GMPS: variants seen among roughly 807,000 people sequenced by gnomAD.
GMPS encodes GMP synthase [glutamine-hydrolyzing].
GMPS carries 15 observed loss-of-function variants against 77.9 expected under a neutral mutation model. The observed-to-expected ratio is 0.19, with a 90% confidence interval of 0.13 to 0.30. The LOEUF (loss-of-function observed/expected upper bound fraction) is 0.30. Ranked by LOEUF, GMPS falls within the 10% of genes least tolerant of loss-of-function variation. The probability of loss-of-function intolerance (pLI) is 1.00; values close to 1 mark genes in which losing one functional copy is unlikely to be tolerated. For synonymous variants in GMPS, 224 were observed against 275.9 expected (o/e 0.81, Z 1.86); for missense variants, 590 against 838.8 (o/e 0.70, Z 3.66).
chr3:155,901,393 T>G (rs1754733952), intron 3 of GMPS, among the ~76,000 whole-genome samples: 1 of 152,216 alleles, frequency 6.6e-6, no homozygotes, highest in Non-Finnish European at 1.5e-5. Flanking sequence ...ATGTTACTTT[T>G]ACATTCCAGT....
chr3:155,925,452 T>G, intron 12 of GMPS, 86 bp downstream of exon 12: 1 of 1,056,982 alleles, frequency 9.5e-7, no homozygotes, highest in African/African-American at 1.6e-5. Context: ...TTGCCCAGGC[T>G]GGAGCGCAGT....
chr3:155,909,744 G>A (rs546121278), intron 5 of GMPS, among the ~76,000 whole-genome samples: 2 of 151,440 alleles, frequency 1.3e-5, no homozygotes, highest in African/African-American at 4.8e-5. Flanking sequence ...GAGCCCAGGA[G>A]TTCAACAGGC....
intron 12 of GMPS, among the ~76,000 whole-genome samples, chr3:155,928,686 C>CCT (rs1755519201): frequency 9.2e-6 from 1 of 108,456 alleles, no homozygotes; most frequent in Non-Finnish European, 1.8e-5. Context: ...TCCCTCCCCC[C>CCT]TCCCCCCACC....
intron 3 of GMPS, among the ~76,000 whole-genome samples, chr3:155,899,438 T>TC (rs1233073246): frequency 6.6e-6 from 1 of 151,386 alleles, no homozygotes; most frequent in Non-Finnish European, 1.5e-5. Flanking sequence ...TTTTCTTTTT[T>TC]TTTTTTCAAT....
chr3:155,938,166 AC>A lies in GMPS; in HGVS notation c.*475del, dbSNP rs1273415528. On this transcript the variant is annotated 3_prime_UTR_variant, in exon 16 of 16. Coordinates refer to ENST00000496455, the MANE Select transcript of GMPS (RefSeq NM_003875.3). ...TCTCCAAAGGGTGAAAAAGAGATGA[AC>A]ATATCAGATAAAGGTATAGGTGGGC... 1.3e-5 allele frequency: 3 copies of A among 223,048 alleles called. No individual in the cohort carries two copies. The highest frequency in any genetic ancestry group is 6.7e-5 in the African/African-American group (3 of 44,736). 13.8% of individuals were successfully genotyped at this position (223,048 alleles called of 1,614,324 possible).
intron 1 of GMPS, among the ~76,000 whole-genome samples, chr3:155,888,711 A>C (rs554165365): frequency 4.6e-5 from 7 of 151,362 alleles, no homozygotes; most frequent in African/African-American, 1.7e-4. Context: ...TCAGCCTCCC[A>C]AGTAGCTGGG....
At chr3:155,922,495 T>C (rs1345615196) in intron 11 of GMPS, among the ~76,000 whole-genome samples, 193 bp downstream of exon 11, 1 of 152,198 alleles carries the variant, frequency 6.6e-6, no homozygotes, top group African/African-American at 2.4e-5. Context: ...CAAGACTGGA[T>C]ATCCTGAGTC....
intron 15 of GMPS, among the ~76,000 whole-genome samples, chr3:155,937,092 C>A (rs943294063): frequency 2.0e-4 from 30 of 152,174 alleles, no homozygotes; most frequent in African/African-American, 7.2e-4. Flanking sequence ...AGTCATTTTT[C>A]TCTTAGGCTC....
intron 13 of GMPS, among the ~76,000 whole-genome samples, chr3:155,932,525 A>G (rs866273896): frequency 6.6e-6 from 1 of 152,348 alleles, no homozygotes; most frequent in Non-Finnish European, 1.5e-5. Flanking sequence ...CAGCTGATTT[A>G]TAATCTATTT....
At chr3:155,904,817 A>C (rs764065244) in intron 4 of GMPS, among the ~76,000 whole-genome samples, 7 of 152,168 alleles carry the variant, frequency 4.6e-5, no homozygotes, top group Non-Finnish European at 7.4e-5. Flanking sequence ...TTAAACATAA[A>C]GATTTGGTTA....
chr3:155,934,902 C>T lies in GMPS; in HGVS notation c.1677-14C>T, dbSNP rs115563212. ...AATGTAATTGCTGTATTATTTTTAC[C>T]TCTTTGTTTCCAGAGTTGTTTATAT... On this transcript the variant is annotated splice_polypyrimidine_tract_variant and intron_variant, in intron 13 of 15. Coordinates refer to ENST00000496455, the MANE Select transcript of GMPS (RefSeq NM_003875.3). 701 of 1,519,562 alleles carry T rather than the reference C, an allele frequency of 4.6e-4. 4 individuals are homozygous for T. In the African/African-American group the frequency reaches 8.6e-3, roughly 19 times the overall value. The allele number at this position is 1,519,562 out of a possible 1,614,324, so 94.1% of individuals were successfully genotyped here. A position where few individuals can be genotyped will look rare whatever the true frequency, so the allele number is the denominator to read the frequency against.
rs1424407385 is a variant in GMPS at position 155,938,772 on chromosome 3, A to G, written c.*1080A>G. 4.8e-6 allele frequency: 1 copy of G among 209,540 alleles called. No homozygotes were observed. The highest frequency in any genetic ancestry group is 9.7e-6 in the Non-Finnish European group (1 of 103,086). The allele number at this position is 209,540 out of a possible 1,614,324, so 13.0% of individuals were successfully genotyped here. ...GCCAAACTTTGTAATCCTTTCTACT[A>G]GCTATAAGAGAGGATTTAAGAACTG... On this transcript the variant is annotated 3_prime_UTR_variant, in exon 16 of 16. Transcript: ENST00000496455.
chr3:155,924,134 C>T (rs185538755), intron 11 of GMPS, among the ~76,000 whole-genome samples: 2 of 152,340 alleles, frequency 1.3e-5, no homozygotes, highest in Non-Finnish European at 2.9e-5. Flanking sequence ...CCGCCTCGGC[C>T]TCCCAAAGTG....
At chr3:155,885,487 A>T (rs944716342) in intron 1 of GMPS, among the ~76,000 whole-genome samples, 3 of 152,342 alleles carry the variant, frequency 2.0e-5, no homozygotes, top group Admixed American at 6.5e-5. Context: ...CCAAATGTAG[A>T]TCTAATATTG....
intron 10 of GMPS, among the ~76,000 whole-genome samples, chr3:155,920,411 C>T (rs1755288870): frequency 6.6e-6 from 1 of 151,572 alleles, no homozygotes; most frequent in African/African-American, 2.4e-5. Context: ...CCTGAGTCTA[C>T]TAAAAATAGA....
intron 3 of GMPS, among the ~76,000 whole-genome samples, chr3:155,902,437 G>A (rs775817111): frequency 6.6e-6 from 1 of 152,082 alleles, no homozygotes; most frequent in Admixed American, 6.5e-5. Flanking sequence ...TAAATGATTG[G>A]GAAATTGAAT....
In GMPS at chr3:155,942,561, C is replaced by T. The variant is rs1755918385; in HGVS notation, c.*4869C>T. On this transcript the variant is annotated 3_prime_UTR_variant, in exon 16 of 16. Coordinates refer to ENST00000496455, the MANE Select transcript of GMPS (RefSeq NM_003875.3). ...AGCTAAATTAGTTCAGATCCAGGAA[C>T]CAGATTCTGGAACTGATTGCACCTA... 1 of 228,436 alleles carries T rather than the reference C, an allele frequency of 4.4e-6. No homozygotes were observed. The highest frequency in any genetic ancestry group is 6.3e-5 in the East Asian group (1 of 15,962). The allele number at this position is 228,436 out of a possible 1,614,324, so 14.2% of individuals were successfully genotyped here.
intron 10 of GMPS, among the ~76,000 whole-genome samples, chr3:155,921,904 G>C (rs1755326897): frequency 6.6e-6 from 1 of 152,130 alleles, no homozygotes; most frequent in Non-Finnish European, 1.5e-5. Context: ...AAGAAACTTA[G>C]GGACAGAGAT....
At chr3:155,927,287 A>G (rs2108135255) in intron 12 of GMPS, among the ~76,000 whole-genome samples, 1 of 152,310 alleles carries the variant, frequency 6.6e-6, no homozygotes, top group East Asian at 1.9e-4. Flanking sequence ...ACCCTAATAT[A>G]TAAAAATAGA....
Sources: gnomAD v4.1 joint callset for allele counts (sites outside exome capture counted in the v4.1 genomes callset) on GRCh38, gnomAD v4.1.1 for gene constraint, MANE v1.5 for transcripts, NCBI Gene and HGNC (gene_info 2026-07-23, HGNC 2026-07-21) for gene names.